Variants in TNPO3 observed in about 807,000 individuals in gnomAD.
TNPO3 encodes transportin-3.
A neutral mutation model predicts 122.8 loss-of-function variants in TNPO3; 65 were observed. The observed-to-expected ratio is 0.53, with a 90% CI of 0.43 to 0.65. TNPO3 has a LOEUF of 0.65. TNPO3 is among the 30% of genes least tolerant of loss of function. The pLI, the probability that TNPO3 is intolerant of heterozygous loss-of-function variation, is 0.00. For synonymous variants in TNPO3, 372 were observed against 411.2 expected, an observed-to-expected ratio of 0.90 and a Z score of 1.15; for missense variants, 850 against 1,136.7, an observed-to-expected ratio of 0.75 and a Z score of 3.63.
At position 128,979,115 on chromosome 7, in the gene TNPO3, T is replaced by C. The variant is rs2129003729; in HGVS notation, c.1929A>G (p.Pro643=). 1.2e-6 allele frequency: 2 copies of C among 1,613,996 alleles called. No individual in the cohort carries two copies. The highest frequency in any genetic ancestry group is 1.7e-6 in the Non-Finnish European group (2 of 1,179,936). ...GCTTATTTAGAGTCTCGGATAAAAC[T>C]GGCCATATCTGGGTCAAAAGTAAAA... ...PCQKVIQEIW[P]VLSETLNKHR... is the part of the protein sequence containing the mutation. Residue 643 remains proline (P), a synonymous_variant, in exon 16 of 23, where the codon CCA becomes CCG. Transcript: ENST00000265388.
chr7:129,054,377 CTTAAACAA>C (rs1408753248), intron 1 of TNPO3, among the ~76,000 whole-genome samples: 12 of 152,214 alleles, frequency 7.9e-5, no homozygotes, highest in Admixed American at 6.5e-4. Flanking sequence ...AAAGGGAGAA[CTTAAACAA>C]GATTAGATTG....
At chr7:129,025,185 C>T (rs964132763) in intron 1 of TNPO3, among the ~76,000 whole-genome samples, 1 of 150,786 alleles carries the variant, frequency 6.6e-6, no homozygotes, top group African/African-American at 2.4e-5. Context: ...CCCATCTCTA[C>T]TAAAAATACA....
At chr7:129,030,049 GAACA>G (rs1805746492) in intron 1 of TNPO3, 1 of 153,654 alleles carries the variant, frequency 6.5e-6, no homozygotes, top group South Asian at 2.0e-4. Flanking sequence ...AGAAAAAAAA[GAACA>G]GACAGGCTCT....
chr7:128,977,117 A>C (rs1007578861), intron 16 of TNPO3, among the ~76,000 whole-genome samples: 5 of 152,198 alleles, frequency 3.3e-5, no homozygotes, highest in African/African-American at 1.2e-4. Flanking sequence ...CTGACTATCA[A>C]TTGCTGGCTC....
chr7:128,958,672 C>T (rs1797149355), intron 21 of TNPO3, among the ~76,000 whole-genome samples: 1 of 152,200 alleles, frequency 6.6e-6, no homozygotes, highest in Admixed American at 6.5e-5. Flanking sequence ...ATTGTAAGTT[C>T]TGAAACATCA....
At chr7:128,995,569 C>T (rs984214663) in intron 8 of TNPO3, among the ~76,000 whole-genome samples, 7 of 152,140 alleles carry the variant, frequency 4.6e-5, no homozygotes, top group African/African-American at 7.2e-5. Context: ...AGAAATTACC[C>T]GCAAGGGAAA....
intron 8 of TNPO3, among the ~76,000 whole-genome samples, chr7:128,996,030 G>A (rs1434684079): frequency 6.6e-6 from 1 of 152,106 alleles, no homozygotes; most frequent in Non-Finnish European, 1.5e-5. Context: ...AGCGGGGGTG[G>A]GTGCAGTTTG....
chr7:129,051,484 T>C (rs1265260930), intron 1 of TNPO3, among the ~76,000 whole-genome samples: 1 of 151,092 alleles, frequency 6.6e-6, no homozygotes, highest in Non-Finnish European at 1.5e-5. Context: ...TATAGGCAAA[T>C]GTCACCACAC....
chr7:129,056,060 G>A, upstream of TNPO3: 1 of 1,168,696 alleles, frequency 8.6e-7, no homozygotes, highest in Non-Finnish European at 1.3e-6. Flanking sequence ...GGAACTGGAA[G>A]ATGAACGGGC....
At chr7:129,010,849 T>A (rs1261601477) in intron 4 of TNPO3, among the ~76,000 whole-genome samples, 1 of 152,098 alleles carries the variant, frequency 6.6e-6, no homozygotes, top group African/African-American at 2.4e-5. Context: ...TTCACGTTTG[T>A]AATCTCATCA....
intron 11 of TNPO3, among the ~76,000 whole-genome samples, chr7:128,988,059 C>T (rs1223651834): frequency 2.0e-5 from 3 of 152,098 alleles, no homozygotes; most frequent in South Asian, 2.1e-4. Flanking sequence ...CTGCAAACTC[C>T]GCCTCCCGGG....
intron 19 of TNPO3, among the ~76,000 whole-genome samples, chr7:128,971,437 C>T (rs889278174): frequency 8.7e-4 from 133 of 152,190 alleles, no homozygotes; most frequent in South Asian, 2.1e-4. Context: ...TGAGCCACTG[C>T]GCCTGGCCCT....
intron 22 of TNPO3, among the ~76,000 whole-genome samples, chr7:128,956,375 A>G (rs866480234): frequency 3.3e-5 from 5 of 152,184 alleles, no homozygotes; most frequent in African/African-American, 1.2e-4. Flanking sequence ...CTCCATCAAG[A>G]AACTGGCACC....
chr7:128,967,762 A>G (rs948093412), intron 20 of TNPO3, among the ~76,000 whole-genome samples: 5 of 151,866 alleles, frequency 3.3e-5, no homozygotes, highest in African/African-American at 1.2e-4. Context: ...ACACACACAC[A>G]CACTCGCTCT....
chr7:128,988,004 C>T (rs1018750292), intron 11 of TNPO3, among the ~76,000 whole-genome samples: 6 of 151,990 alleles, frequency 3.9e-5, no homozygotes, highest in Admixed American at 2.6e-4. Flanking sequence ...GATGGAGTCT[C>T]GCTCAGTCAC....
intron 1 of TNPO3, among the ~76,000 whole-genome samples, chr7:129,042,571 T>C (rs184420795): frequency 1.1e-3 from 174 of 152,280 alleles, no homozygotes; most frequent in Non-Finnish European, 1.5e-3. Context: ...ATCAACTACC[T>C]TAACTTCTTT....
At chr7:128,976,062 C>A (rs1585328856) in intron 16 of TNPO3, 127 bp from the exon 17 acceptor site, 2 of 675,012 alleles carry the variant, frequency 3.0e-6, no homozygotes, top group Admixed American at 4.9e-5. Flanking sequence ...TAGTATAAAG[C>A]TTCTTAGCAC....
At chr7:129,027,881 C>A (rs779496505) in intron 1 of TNPO3, among the ~76,000 whole-genome samples, 6 of 152,066 alleles carry the variant, frequency 3.9e-5, no homozygotes, top group Non-Finnish European at 7.4e-5. Flanking sequence ...TGAGTTGGGA[C>A]CCAGTGAAGG....
At position 128,980,032 on chromosome 7, in the gene TNPO3, C is replaced by T; in HGVS notation, c.1860-1G>A. On this transcript the variant is annotated splice_acceptor_variant, in intron 14 of 22. Transcript: ENST00000265388. LOFTEE classifies it high-confidence loss of function. The stretch of plus-strand genomic sequence containing the variant: ...ATTTTCCACAATGGGATTGGTATGC[C>T]TGGGAAAAGACAACAGCCCAAAATA... 1 of 1,614,036 alleles carries T rather than the reference C, an allele frequency of 6.2e-7. No individual in the cohort carries two copies. Among genetic ancestry groups the T allele is most frequent in the Non-Finnish European group, 8.5e-7 (1 of 1,179,960 alleles).
Sources: allele counts gnomAD v4.1 joint callset (sites outside exome capture counted in the v4.1 genomes callset), GRCh38; gene constraint gnomAD v4.1.1; transcripts MANE v1.5; gene names NCBI Gene and HGNC (gene_info 2026-07-23, HGNC 2026-07-21).